The following PAX7 variants were observed in gnomAD, a reference collection of about 807,000 sequenced individuals.
PAX7 encodes paired box protein Pax-7.
A neutral mutation model predicts 50.7 loss-of-function variants in PAX7; 18 were observed. That is an observed-to-expected ratio of 0.36 (90% CI 0.25 to 0.53). The LOEUF is 0.53. Ranked by LOEUF, PAX7 falls within the 20% of genes least tolerant of loss-of-function variation. PAX7 has a pLI of 0.93. For synonymous variants in PAX7, 310 were observed against 290.4 expected (o/e 1.07, Z -0.69); for missense variants, 644 against 702.9 (o/e 0.92, Z 0.95).
chr1:18,676,698 A>G (rs888703561), intron 4 of PAX7, among the ~76,000 whole-genome samples: 4 of 152,126 alleles, frequency 2.6e-5, no homozygotes, highest in Non-Finnish European at 4.4e-5. Context: ...CCTGTAGCTC[A>G]TGCTGCACAC....
intron 7 of PAX7, among the ~76,000 whole-genome samples, chr1:18,725,634 G>A (rs1304409805): frequency 6.6e-6 from 1 of 152,230 alleles, no homozygotes; most frequent in African/African-American, 2.4e-5. Context: ...GTGAAAGTGT[G>A]CTAATTAAAT....
In PAX7 at chr1:18,631,800, C is replaced by T. The variant is rs2088053542; in HGVS notation, c.85+112C>T. 4.6e-6 allele frequency: 4 copies of T among 865,916 alleles called. No individual in the cohort carries two copies. The Admixed American group carries it at 8.4e-5, about 18-fold the overall frequency. 53.6% of individuals were successfully genotyped at this position (865,916 alleles called of 1,614,324 possible). On this transcript the variant is annotated intron_variant, in intron 1 of 8. Coordinates refer to ENST00000420770, the MANE Select transcript of PAX7 (RefSeq NM_001135254.2). ...GCGGCGCCGGCGATAGCAGAGGGAT[C>T]CCGTTCTCTTCTGGGTCCCAGTCCG...
intron 4 of PAX7, among the ~76,000 whole-genome samples, chr1:18,684,936 G>A (rs1403179972): frequency 6.6e-6 from 1 of 152,170 alleles, no homozygotes; most frequent in African/African-American, 2.4e-5. Context: ...TTAGAAATGG[G>A]TCAGCTCCTG....
chr1:18,710,429 T>TTTA (rs990462392), intron 7 of PAX7, among the ~76,000 whole-genome samples: 1 of 152,006 alleles, frequency 6.6e-6, no homozygotes, highest in African/African-American at 2.4e-5. Flanking sequence ...CGACACTGCG[T>TTTA]TTATAATAGG....
At chr1:18,678,457 C>T (rs2088854878) in intron 4 of PAX7, among the ~76,000 whole-genome samples, 1 of 152,142 alleles carries the variant, frequency 6.6e-6, no homozygotes, top group South Asian at 2.1e-4. Context: ...TTCTTAGTTA[C>T]CCTGCCCTCG....
rs577304599 is a variant in PAX7 at position 18,684,380 on chromosome 1, A to G, written c.587-7374A>G. On this transcript the variant is annotated intron_variant, in intron 4 of 8. Transcript: ENST00000420770. ...AGTGTGAGCAGAAGAGGTGGACTGT[A>G]ATGGGACGCTTCATCCTCTCCTGGG... is the stretch of plus-strand genomic sequence containing the variant. Among the ~76,000 whole-genome samples the G allele has an allele frequency of 4.6e-5, 7 of 152,292 alleles. No homozygotes were observed. In the East Asian group the frequency reaches 1.4e-3, roughly 29 times the overall value.
intron 4 of PAX7, among the ~76,000 whole-genome samples, chr1:18,666,182 A>G (rs1364298665): frequency 2.6e-5 from 4 of 152,198 alleles, no homozygotes; most frequent in African/African-American, 9.6e-5. Context: ...GAAAGGTGGT[A>G]GTTCATTTGC....
chr1:18,703,593 G>C (rs1020849574), intron 7 of PAX7, among the ~76,000 whole-genome samples: 2 of 152,238 alleles, frequency 1.3e-5, no homozygotes, highest in Non-Finnish European at 2.9e-5. Flanking sequence ...GCTCCTGTGT[G>C]ATTGGTTAAG....
chr1:18,637,001 T>C (rs1278182547), intron 4 of PAX7, among the ~76,000 whole-genome samples: 1 of 151,484 alleles, frequency 6.6e-6, no homozygotes, highest in Non-Finnish European at 1.5e-5. Flanking sequence ...GGGCTGGGAG[T>C]GGAGGCCAAG....
intron 4 of PAX7, among the ~76,000 whole-genome samples, chr1:18,648,718 T>C (rs1408394086): frequency 2.0e-5 from 3 of 152,050 alleles, no homozygotes; most frequent in Non-Finnish European, 4.4e-5. Context: ...CGGTCCAGAC[T>C]CATCAAAGGC....
At chr1:18,731,864 G>A (rs1369655380) in intron 7 of PAX7, among the ~76,000 whole-genome samples, 1 of 152,178 alleles carries the variant, frequency 6.6e-6, no homozygotes, top group African/African-American at 2.4e-5. Context: ...TCAGTTCACA[G>A]CCCAGGGTCC....
At chr1:18,699,005 A>AC (rs1385697441) in intron 5 of PAX7, among the ~76,000 whole-genome samples, 1 of 151,668 alleles carries the variant, frequency 6.6e-6, no homozygotes, top group Admixed American at 6.6e-5. Context: ...GGCGGCCTTC[A>AC]CCCCCCATCA....
intron 5 of PAX7, among the ~76,000 whole-genome samples, chr1:18,699,853 G>A (rs550858875): frequency 1.3e-4 from 20 of 152,088 alleles, no homozygotes; most frequent in Non-Finnish European, 2.2e-4. Flanking sequence ...GAGCCGCTGC[G>A]CCCGGCCAGA....
rs1256291769 is a variant in PAX7 at position 18,746,852 on chromosome 1, C to A, written c.*1923C>A. 4 of 231,594 alleles carry A rather than the reference C, an allele frequency of 1.7e-5. No homozygotes were observed. Among genetic ancestry groups the A allele is most frequent in the Non-Finnish European group, 3.4e-5 (4 of 117,060 alleles). 14.3% of individuals were successfully genotyped at this position (231,594 alleles called of 1,614,324 possible). ...ATATCAAGCCTGTTCTGGACCATGA[C>A]CAGGCTGGCTCATATCTCTGGTTTA... On this transcript the variant is annotated 3_prime_UTR_variant, in exon 9 of 9. Coordinates refer to ENST00000420770, the MANE Select transcript of PAX7 (RefSeq NM_001135254.2).
chr1:18,728,586 C>A (rs777815427), intron 7 of PAX7, among the ~76,000 whole-genome samples: 3 of 151,816 alleles, frequency 2.0e-5, no homozygotes, highest in African/African-American at 4.8e-5. Flanking sequence ...CCTGACCGGG[C>A]GTCGTGGCTC....
At chr1:18,679,427 G>A (rs1240892421) in intron 4 of PAX7, among the ~76,000 whole-genome samples, 9 of 152,208 alleles carry the variant, frequency 5.9e-5, no homozygotes, top group East Asian at 1.9e-4. Flanking sequence ...TGTGGGGCGC[G>A]GATGGGTGGT....
At chr1:18,675,773 A>G (rs1029092639) in intron 4 of PAX7, among the ~76,000 whole-genome samples, 1 of 152,014 alleles carries the variant, frequency 6.6e-6, no homozygotes, top group South Asian at 2.1e-4. Flanking sequence ...TGTTGAGTGA[A>G]TTCATATCTT....
At chr1:18,712,587 T>G (rs530236582) in intron 7 of PAX7, among the ~76,000 whole-genome samples, 2 of 152,284 alleles carry the variant, frequency 1.3e-5, no homozygotes, top group African/African-American at 2.4e-5. Context: ...ATGAGTAGGC[T>G]CTGCTAGGAA....
intron 4 of PAX7, among the ~76,000 whole-genome samples, chr1:18,654,973 T>C (rs2088490923): frequency 6.6e-6 from 1 of 152,222 alleles, no homozygotes; most frequent in Admixed American, 6.5e-5. Flanking sequence ...AAGGAAGAAC[T>C]AATCTTGCTT....
Sources: gnomAD v4.1 joint callset for allele counts (sites outside exome capture counted in the v4.1 genomes callset) on GRCh38, gnomAD v4.1.1 for gene constraint, MANE v1.5 for transcripts, NCBI Gene and HGNC (gene_info 2026-07-23, HGNC 2026-07-21) for gene names.